Variants in PIK3C2G observed in about 807,000 individuals in gnomAD.
The protein encoded by PIK3C2G is phosphatidylinositol 3-kinase C2 domain-containing subunit gamma.
In PIK3C2G, 168 loss-of-function variants were observed where a neutral mutation model predicts 181.1. The ratio of observed to expected loss-of-function variants is 0.93; its 90% CI spans 0.82 to 1.05. The LOEUF is 1.05. PIK3C2G is among the 50% of genes least tolerant of loss of function. The pLI is 0.00. For missense variants in PIK3C2G, 1,869 were observed against 1,732.8 expected (o/e 1.08, Z -1.40); for synonymous variants, 573 against 592.2 (o/e 0.97, Z 0.47).
chr12:18,293,869 T>C (rs1290538339), intron 4 of PIK3C2G, 32 bp from the exon 5 acceptor site: 1 of 1,069,022 alleles, frequency 9.4e-7, no homozygotes, highest in Non-Finnish European at 1.5e-6. Flanking sequence ...GATACACTTT[T>C]ATTGACTTTT....
the PIK3C2G span, among the ~76,000 whole-genome samples, chr12:18,716,583 C>A: frequency 6.6e-6 from 1 of 152,094 alleles, no homozygotes. Context: ...TCATTGTAAA[C>A]CTTGTAACTA....
At chr12:18,450,092 G>C (rs12049934) in intron 18 of PIK3C2G, among the ~76,000 whole-genome samples, 13,860 of 152,060 alleles carry the variant, frequency 0.091, 776 homozygotes, top group Non-Finnish European at 0.13. Context: ...AGAAGTGTCT[G>C]TTCATATCCT....
chr12:18,589,923 A>C, intron 29 of PIK3C2G, among the ~76,000 whole-genome samples: 1 of 151,916 alleles, frequency 6.6e-6, no homozygotes, highest in East Asian at 1.9e-4. Context: ...TCCCTATGAA[A>C]TTCTCTCTTG....
chr12:18,244,952 G>T (rs2136927161), upstream of PIK3C2G, among the ~76,000 whole-genome samples: 1 of 152,134 alleles, frequency 6.6e-6, no homozygotes, highest in East Asian at 1.9e-4. Flanking sequence ...ATTCTTTTGG[G>T]TGGCTCCAAG....
At chr12:18,679,730 C>T in the PIK3C2G span, among the ~76,000 whole-genome samples, 7 of 151,772 alleles carry the variant, frequency 4.6e-5, no homozygotes, top group Non-Finnish European at 7.4e-5. Flanking sequence ...GACTGCCCTG[C>T]GAGAAGAATG....
intron 11 of PIK3C2G, chr12:18,358,672 C>A: frequency 2.0e-6 from 1 of 495,660 alleles, no homozygotes; most frequent in Non-Finnish European, 4.1e-6. Flanking sequence ...ATCATCCTGT[C>A]CCACAAAATC....
the PIK3C2G span, among the ~76,000 whole-genome samples, chr12:18,690,392 T>C: frequency 1.3e-5 from 2 of 151,890 alleles, no homozygotes; most frequent in Non-Finnish European, 2.9e-5. Context: ...CCCAGCTAAG[T>C]TTTTGTATGT....
At chr12:18,421,072 T>C (rs1945458907) in intron 17 of PIK3C2G, 38 bp downstream of exon 17, 2 of 1,092,388 alleles carry the variant, frequency 1.8e-6, no homozygotes, top group African/African-American at 1.6e-5. Context: ...CCCAGGGTTT[T>C]AACTAATTAT....
intron 22 of PIK3C2G, among the ~76,000 whole-genome samples, chr12:18,500,641 C>A (rs866018851): frequency 1.3e-5 from 2 of 152,158 alleles, no homozygotes; most frequent in African/African-American, 2.4e-5. Flanking sequence ...TTTACCTCTA[C>A]CTCAGGGATT....
chr12:18,423,360 G>T (rs1945598903), intron 17 of PIK3C2G, among the ~76,000 whole-genome samples: 1 of 152,018 alleles, frequency 6.6e-6, no homozygotes, highest in African/African-American at 2.4e-5. Flanking sequence ...CCCTAAATTA[G>T]GTCCCTAAGG....
Position 18,312,072 on chromosome 12 carries a change from G to C in PIK3C2G, c.1035-1890G>C, listed in dbSNP as rs574602621. 4.5e-4 allele frequency among the ~76,000 whole-genome samples: 69 copies of C among 152,172 alleles called. 3 individuals are homozygous for C. In the South Asian group the frequency reaches 0.013, roughly 28 times the overall value. On this transcript the variant is annotated intron_variant, in intron 5 of 32. Transcript: ENST00000538779. ...GCCTGCTTTTATTCTAGCCATGCTGGCAGCTGTTTAGATTGTGCCCACCCA... is the reference window on the plus strand; with the variant it reads ...GCCTGCTTTTATTCTAGCCATGCTGCCAGCTGTTTAGATTGTGCCCACCCA...
chr12:18,309,959 G>C (rs184208381), intron 5 of PIK3C2G, among the ~76,000 whole-genome samples: 101 of 151,856 alleles, frequency 6.7e-4, no homozygotes, highest in Admixed American at 1.1e-3. Context: ...CAGTTCTATT[G>C]TTATTTTATT....
chr12:18,540,984 G>A (rs1416700377), intron 25 of PIK3C2G, among the ~76,000 whole-genome samples: 2 of 151,782 alleles, frequency 1.3e-5, no homozygotes, highest in East Asian at 1.9e-4. Context: ...CCTTTCTTTG[G>A]TATAGCTTCT....
chr12:18,318,394 C>T (rs902206116), intron 6 of PIK3C2G, among the ~76,000 whole-genome samples: 3 of 151,858 alleles, frequency 2.0e-5, no homozygotes, highest in Admixed American at 6.6e-5. Flanking sequence ...ATCTGAATTG[C>T]CCTATTTTAC....
chr12:18,403,156 A>T (rs1944345500), intron 16 of PIK3C2G, among the ~76,000 whole-genome samples: 1 of 152,198 alleles, frequency 6.6e-6, no homozygotes, highest in Non-Finnish European at 1.5e-5. Context: ...GATCTCGGTC[A>T]TGCTCAGATG....
At position 18,630,341 on chromosome 12, in the gene PIK3C2G, G is replaced by A. The variant is rs1008095636; in HGVS notation, c.4183-10088G>A. On this transcript the variant is annotated intron_variant, in intron 31 of 32. Coordinates refer to ENST00000538779, the MANE Select transcript of PIK3C2G (RefSeq NM_001288772.2). ...TGGGAGAGGGAGGTTGCAGTGAGCC[G>A]AGATCATGCCACTGCACCCCAGCCC... 3.3e-5 allele frequency among the ~76,000 whole-genome samples: 5 copies of A among 152,224 alleles called. No homozygotes were observed. The East Asian group carries it at 9.7e-4, about 29-fold the overall frequency.
At chr12:18,471,611 C>T (rs1938465658) in intron 18 of PIK3C2G, among the ~76,000 whole-genome samples, 1 of 152,056 alleles carries the variant, frequency 6.6e-6, no homozygotes, top group South Asian at 2.1e-4. Flanking sequence ...ACCTACCCAT[C>T]CATATCTTAT....
intron 24 of PIK3C2G, among the ~76,000 whole-genome samples, chr12:18,535,858 A>G (rs1315958384): frequency 6.6e-6 from 1 of 152,136 alleles, no homozygotes; most frequent in Non-Finnish European, 1.5e-5. Flanking sequence ...TATCGCAAGG[A>G]CAAAAAACCA....
intron 11 of PIK3C2G, among the ~76,000 whole-genome samples, chr12:18,353,317 A>C (rs548765329): frequency 7.5e-4 from 113 of 151,578 alleles, no homozygotes; most frequent in African/African-American, 2.7e-3. Context: ...GCACATGAGG[A>C]AAAAAAAAGC....
Sources: allele counts gnomAD v4.1 joint callset (sites outside exome capture counted in the v4.1 genomes callset), GRCh38; gene constraint gnomAD v4.1.1; transcripts MANE v1.5; gene names NCBI Gene and HGNC (gene_info 2026-07-23, HGNC 2026-07-21).